QTMAN: variants seen among roughly 807,000 people sequenced by gnomAD.
QTMAN encodes queuosine-tRNA mannosyltransferase.
At chr2:144,292,233 G>A in the QTMAN span, among the ~76,000 whole-genome samples, 1 of 152,148 alleles carries the variant, frequency 6.6e-6, no homozygotes, top group East Asian at 1.9e-4. Context: ...GGACAGTCCA[G>A]TCTAATCACC....
the QTMAN span, among the ~76,000 whole-genome samples, chr2:144,318,766 C>T: frequency 3.9e-5 from 6 of 152,078 alleles, no homozygotes; most frequent in East Asian, 9.6e-4. Context: ...ACTGTATATG[C>T]TATATAAAAA....
chr2:144,235,034 T>A, the QTMAN span, among the ~76,000 whole-genome samples: 1 of 152,166 alleles, frequency 6.6e-6, no homozygotes. Context: ...ATGCATTATT[T>A]TGCTCCTCGC....
chr2:143,984,586 C>T, the QTMAN span, among the ~76,000 whole-genome samples: 1 of 152,180 alleles, frequency 6.6e-6, no homozygotes, highest in Admixed American at 6.5e-5. Context: ...CAAGCCTGGA[C>T]CTGTGGCCCA....
At chr2:143,977,643 G>C in the QTMAN span, among the ~76,000 whole-genome samples, 2 of 152,146 alleles carry the variant, frequency 1.3e-5, no homozygotes, top group Admixed American at 1.3e-4. Context: ...AGAAGCAAGG[G>C]ATCCATCAGC....
At chr2:143,965,057 CTTCT>C in the QTMAN span, among the ~76,000 whole-genome samples, 4 of 148,944 alleles carry the variant, frequency 2.7e-5, no homozygotes, top group East Asian at 1.9e-4. Context: ...TTTTGTTCTT[CTTCT>C]TTTTTTTTTT....
chr2:144,148,400 G>A, the QTMAN span, among the ~76,000 whole-genome samples: 1 of 151,742 alleles, frequency 6.6e-6, no homozygotes, highest in Non-Finnish European at 1.5e-5. Flanking sequence ...AGGGGATGGG[G>A]AGAGTCTATC....
the QTMAN span, among the ~76,000 whole-genome samples, chr2:144,256,024 A>C: frequency 2.0e-5 from 3 of 152,234 alleles, no homozygotes; most frequent in Admixed American, 2.0e-4. Flanking sequence ...AATTATTTTT[A>C]AATTAATTAC....
chr2:144,080,870 C>CAGTA, the QTMAN span, among the ~76,000 whole-genome samples: 1 of 152,262 alleles, frequency 6.6e-6, no homozygotes, highest in Non-Finnish European at 1.5e-5. Flanking sequence ...AAACACTAAG[C>CAGTA]AGTATCACCT....
At chr2:144,265,430 G>A in the QTMAN span, among the ~76,000 whole-genome samples, 6 of 152,290 alleles carry the variant, frequency 3.9e-5, no homozygotes, top group Middle Eastern at 3.4e-3. Context: ...AGGCGCGGTG[G>A]CTCACACCTG....
At chr2:144,246,445 C>T in the QTMAN span, among the ~76,000 whole-genome samples, 2 of 150,512 alleles carry the variant, frequency 1.3e-5, no homozygotes, top group Non-Finnish European at 3.0e-5. Context: ...CGGTGGCGGG[C>T]GCCTGTAGTC....
the QTMAN span, among the ~76,000 whole-genome samples, chr2:144,195,100 T>C: frequency 2.6e-5 from 4 of 152,066 alleles, no homozygotes; most frequent in African/African-American, 4.8e-5. Context: ...CAGGTGATAA[T>C]AGAACATAAA....
At chr2:144,216,708 G>T in the QTMAN span, among the ~76,000 whole-genome samples, 2 of 152,088 alleles carry the variant, frequency 1.3e-5, no homozygotes, top group Non-Finnish European at 2.9e-5. Context: ...CAATACAAGA[G>T]AAGTAACACC....
At chr2:144,068,980 C>T in the QTMAN span, among the ~76,000 whole-genome samples, 1 of 152,142 alleles carries the variant, frequency 6.6e-6, no homozygotes, top group African/African-American at 2.4e-5. Context: ...ATCTTTGATA[C>T]TGTTACTGCA....
chr2:144,107,259 A>T, the QTMAN span, among the ~76,000 whole-genome samples: 3 of 152,220 alleles, frequency 2.0e-5, no homozygotes, highest in African/African-American at 7.2e-5. Context: ...CTAAGATCAG[A>T]GCAGAACTGA....
chr2:144,011,844 A>G, the QTMAN span: 2 of 483,160 alleles, frequency 4.1e-6, no homozygotes, highest in African/African-American at 2.1e-5. Context: ...TCCCGAGGTA[A>G]GAAGTGAAAG....
chr2:144,205,969 G>A, the QTMAN span, among the ~76,000 whole-genome samples: 4 of 152,116 alleles, frequency 2.6e-5, no homozygotes, highest in Non-Finnish European at 2.9e-5. Flanking sequence ...TTGAGCTTTC[G>A]TAATCTATAA....
At chr2:144,036,297 A>G in the QTMAN span, among the ~76,000 whole-genome samples, 1 of 152,210 alleles carries the variant, frequency 6.6e-6, no homozygotes. Flanking sequence ...ATTGTTTCCA[A>G]AGGAAAAGCC....
At chr2:144,230,580 G>A in the QTMAN span, among the ~76,000 whole-genome samples, 4 of 152,144 alleles carry the variant, frequency 2.6e-5, no homozygotes, top group South Asian at 8.3e-4. Flanking sequence ...ACTTTTACAG[G>A]GGCATATTGG....
chr2:144,174,890 G>T, the QTMAN span, among the ~76,000 whole-genome samples: 1 of 152,106 alleles, frequency 6.6e-6, no homozygotes, highest in Non-Finnish European at 1.5e-5. Context: ...CTTCATAGGA[G>T]TATGAAAATG....
Sources: gnomAD v4.1 joint callset for allele counts (sites outside exome capture counted in the v4.1 genomes callset) on GRCh38, gnomAD v4.1.1 for gene constraint, MANE v1.5 for transcripts, NCBI Gene and HGNC (gene_info 2026-07-23, HGNC 2026-07-21) for gene names.